SLC24A2: variants seen among roughly 807,000 people sequenced by gnomAD.
SLC24A2 encodes the protein sodium/potassium/calcium exchanger 2.
In SLC24A2, 36 loss-of-function variants were observed where a neutral mutation model predicts 62.0. The ratio of observed to expected loss-of-function variants is 0.58; its 90% CI spans 0.44 to 0.77. SLC24A2 has a LOEUF of 0.77. Ranked by LOEUF, SLC24A2 falls within the 30% of genes least tolerant of loss-of-function variation. SLC24A2 has a pLI of 0.00. For missense variants in SLC24A2, 846 were observed against 817.9 expected (o/e 1.03, Z -0.42); for synonymous variants, 358 against 294.0 (o/e 1.22, Z -2.23).
the SLC24A2 span, among the ~76,000 whole-genome samples, chr9:20,236,502 T>C: frequency 6.6e-6 from 1 of 152,166 alleles, no homozygotes; most frequent in African/African-American, 2.4e-5. Flanking sequence ...TTTTCAAAGA[T>C]AAATTTTCCT....
chr9:19,801,798 C>T, the SLC24A2 span, among the ~76,000 whole-genome samples: 1 of 152,168 alleles, frequency 6.6e-6, no homozygotes, highest in African/African-American at 2.4e-5. Context: ...CTAGGAAATC[C>T]AGCTAGTGCT....
the SLC24A2 span, among the ~76,000 whole-genome samples, chr9:20,021,683 G>C: frequency 1.3e-5 from 2 of 151,970 alleles, no homozygotes; most frequent in East Asian, 3.9e-4. Context: ...GTCTTCCTTT[G>C]TCTGCTTTCC....
intron 2 of SLC24A2, among the ~76,000 whole-genome samples, chr9:19,711,544 C>G (rs1820715633): frequency 6.6e-6 from 1 of 152,192 alleles, no homozygotes; most frequent in Non-Finnish European, 1.5e-5. Context: ...TAATTCTTAT[C>G]TTAGTTTTGT....
intron 2 of SLC24A2, among the ~76,000 whole-genome samples, chr9:19,723,262 G>C (rs1426175667): frequency 2.0e-5 from 3 of 152,080 alleles, no homozygotes; most frequent in Non-Finnish European, 2.9e-5. Context: ...TTATCTAGCA[G>C]TCATGTCATT....
chr9:19,926,202 T>C, the SLC24A2 span: 1 of 152,316 alleles, frequency 6.6e-6, no homozygotes, highest in African/African-American at 2.4e-5. Flanking sequence ...GTTGAGGTTA[T>C]GGCGGCGGCT....
chr9:19,875,939 G>C, the SLC24A2 span, among the ~76,000 whole-genome samples: 1 of 152,136 alleles, frequency 6.6e-6, no homozygotes, highest in East Asian at 1.9e-4. Context: ...AATGTGATAA[G>C]CAACCTTATC....
the SLC24A2 span, among the ~76,000 whole-genome samples, chr9:19,933,549 T>C: frequency 6.6e-6 from 1 of 152,320 alleles, no homozygotes; most frequent in Non-Finnish European, 1.5e-5. Context: ...GGCTATCAAC[T>C]GTACAGGTAA....
At chr9:19,937,698 T>C in the SLC24A2 span, among the ~76,000 whole-genome samples, 38 of 152,342 alleles carry the variant, frequency 2.5e-4, no homozygotes, top group Non-Finnish European at 5.1e-4. Flanking sequence ...ATTTTGTTTA[T>C]GATATTTGTG....
chr9:19,948,816 G>T, the SLC24A2 span, among the ~76,000 whole-genome samples: 1 of 124,184 alleles, frequency 8.1e-6, no homozygotes, highest in Non-Finnish European at 1.6e-5. Flanking sequence ...CAGCACTCCC[G>T]CCTGGGCAAC....
chr9:19,785,894 CG>C, intron 2 of SLC24A2, 42 bp downstream of exon 2: 1 of 1,613,412 alleles, frequency 6.2e-7, no homozygotes, highest in Non-Finnish European at 8.5e-7. Context: ...AATTCAGAAC[CG>C]TAGTCAAGAA....
the SLC24A2 span, among the ~76,000 whole-genome samples, chr9:20,108,009 A>G: frequency 2.1e-4 from 32 of 152,300 alleles, no homozygotes; most frequent in Non-Finnish European, 4.0e-4. Flanking sequence ...CAAGAAAAAA[A>G]CAAACAACCC....
At chr9:20,198,721 C>T in the SLC24A2 span, among the ~76,000 whole-genome samples, 1 of 151,904 alleles carries the variant, frequency 6.6e-6, no homozygotes, top group African/African-American at 2.4e-5. Context: ...AAGCCATCCA[C>T]CCCGAGGTGC....
chr9:19,696,973 A>T (rs946753682), intron 2 of SLC24A2, among the ~76,000 whole-genome samples: 2 of 152,170 alleles, frequency 1.3e-5, no homozygotes, highest in African/African-American at 4.8e-5. Context: ...CCAATACATC[A>T]TATGCCATGT....
the SLC24A2 span, among the ~76,000 whole-genome samples, chr9:19,888,999 G>A: frequency 6.6e-6 from 1 of 152,136 alleles, no homozygotes; most frequent in African/African-American, 2.4e-5. Flanking sequence ...ACACACCCCT[G>A]GCTCACGAGT....
the SLC24A2 span, among the ~76,000 whole-genome samples, chr9:20,140,158 G>C: frequency 6.6e-6 from 1 of 152,216 alleles, no homozygotes; most frequent in East Asian, 1.9e-4. Context: ...AATTTAATTT[G>C]ATTCGTCAGC....
chr9:19,879,446 G>A, the SLC24A2 span, among the ~76,000 whole-genome samples: 14 of 152,162 alleles, frequency 9.2e-5, 1 homozygote, highest in African/African-American at 3.4e-4. Context: ...ACCTGGTGTA[G>A]TCATTATTAC....
chr9:20,290,455 G>A, the SLC24A2 span, among the ~76,000 whole-genome samples: 2 of 152,230 alleles, frequency 1.3e-5, no homozygotes, highest in South Asian at 2.1e-4. Context: ...GCCAGCCTTG[G>A]CCAGCTTCTC....
the SLC24A2 span, among the ~76,000 whole-genome samples, chr9:20,195,947 G>C: frequency 6.6e-6 from 1 of 151,660 alleles, no homozygotes; most frequent in Non-Finnish European, 1.5e-5. Flanking sequence ...CTTAAAAATG[G>C]GCAAAAAACA....
At chr9:19,803,148 A>G in the SLC24A2 span, among the ~76,000 whole-genome samples, 6 of 152,240 alleles carry the variant, frequency 3.9e-5, no homozygotes, top group African/African-American at 1.4e-4. Context: ...AGCAGCTTGA[A>G]TGGACTGAGA....
Sources: gnomAD v4.1 joint callset for allele counts (sites outside exome capture counted in the v4.1 genomes callset) on GRCh38, gnomAD v4.1.1 for gene constraint, MANE v1.5 for transcripts, NCBI Gene and HGNC (gene_info 2026-07-23, HGNC 2026-07-21) for gene names.